Variants in CUEDC1 observed in about 807,000 individuals in gnomAD.
CUEDC1 encodes the protein CUE domain-containing protein 1.
Under a neutral mutation model 43.7 loss-of-function variants are expected in CUEDC1, and 30 were observed. That is an observed-to-expected ratio of 0.69 (90% CI 0.51 to 0.93). The LOEUF (loss-of-function observed/expected upper bound fraction) is 0.93, where lower values mean the gene tolerates loss of function less well. CUEDC1 is among the 40% of genes least tolerant of loss of function. The pLI is 0.00. For synonymous variants in CUEDC1, 223 were observed against 223.6 expected (o/e 1.00, Z 0.02); for missense variants, 486 against 549.0 (o/e 0.89, Z 1.15).
chr17:57,926,085 T>C (rs2074744514), intron 1 of CUEDC1, among the ~76,000 whole-genome samples: 1 of 152,122 alleles, frequency 6.6e-6, no homozygotes, highest in Admixed American at 6.5e-5. Context: ...AGAACTTCCT[T>C]CTCTGGAAAT....
At chr17:57,907,910 C>T (rs992941115) in intron 1 of CUEDC1, among the ~76,000 whole-genome samples, 10 of 151,942 alleles carry the variant, frequency 6.6e-5, no homozygotes, top group Non-Finnish European at 1.0e-4. Flanking sequence ...ACCCCACCCC[C>T]CAATTCTTGC....
Position 57,885,491 on chromosome 17 carries a change from C to T in CUEDC1, c.74G>A (p.Gly25Glu), listed in dbSNP as rs370142166. 14 of 1,534,812 alleles carry T rather than the reference C, an allele frequency of 9.1e-6. No individual in the cohort carries two copies. Among genetic ancestry groups the T allele is most frequent in the South Asian group, 1.2e-5 (1 of 81,776 alleles). Residue 25 changes from glycine (G) to glutamate (E), a missense_variant, in exon 2 of 11, where the codon GGA becomes GAA. By Grantham distance (98) the Gly-to-Glu change is moderately conservative. Coordinates refer to ENST00000577830, the MANE Select transcript of CUEDC1 (RefSeq NM_001271875.2). ...GGTAGARGGG[G>E]GTAAPQELNN... ...GAGCTCCTGGGGGGCGGCCGTGCCT[C>T]CCCCGCCCCCGCGTGCCCCGGCGGT...
Position 57,871,382 on chromosome 17 carries a change from C to T in CUEDC1, c.785-13G>A. The T allele has an allele frequency of 6.2e-7, 1 of 1,611,902 alleles. No individual in the cohort carries two copies. Among genetic ancestry groups the T allele is most frequent in the Non-Finnish European group, 8.5e-7 (1 of 1,178,662 alleles). On this transcript the variant is annotated splice_polypyrimidine_tract_variant and intron_variant, in intron 5 of 10. Transcript: ENST00000577830. ...TATTTCAATCGATCTGGAAAAGGAC[C>T]ACATTCACAGGTCAGGGAGGTTAGC... is the stretch of plus-strand genomic sequence containing the variant.
chr17:57,869,120 AC>A lies in CUEDC1; in HGVS notation c.940+1del, dbSNP rs1240482828. The A allele has an allele frequency of 6.2e-7, 1 of 1,613,918 alleles. No individual in the cohort carries two copies. The highest frequency in any genetic ancestry group is 8.5e-7 in the Non-Finnish European group (1 of 1,179,920). On this transcript the variant is annotated splice_donor_variant, in intron 7 of 10. Transcript: ENST00000577830. LOFTEE classifies it high-confidence loss of function. ...GGGAAGCGGGGCCTGAGTGGGACTCACACTTTCCCATGTGTTTCAGCTTGTC... is the reference window on the plus strand; with the variant it reads ...GGGAAGCGGGGCCTGAGTGGGACTCAACTTTCCCATGTGTTTCAGCTTGTC...
chr17:57,926,033 G>A (rs2074743962), intron 1 of CUEDC1, among the ~76,000 whole-genome samples: 1 of 152,244 alleles, frequency 6.6e-6, no homozygotes, highest in African/African-American at 2.4e-5. Context: ...CCTAGGGTCA[G>A]GGGCCCTGTG....
intron 1 of CUEDC1, among the ~76,000 whole-genome samples, chr17:57,886,557 C>G (rs1191716584): frequency 6.6e-6 from 1 of 152,170 alleles, no homozygotes; most frequent in Non-Finnish European, 1.5e-5. Flanking sequence ...AGGCCCAGTT[C>G]CCACTCTTGG....
At chr17:57,927,423 G>A (rs1445070414) in intron 1 of CUEDC1, among the ~76,000 whole-genome samples, 2 of 151,262 alleles carry the variant, frequency 1.3e-5, no homozygotes, top group African/African-American at 2.4e-5. Context: ...CAGAGTTAGA[G>A]AGAGAAAAAA....
intron 1 of CUEDC1, among the ~76,000 whole-genome samples, chr17:57,913,674 C>T (rs201623439): frequency 2.1e-5 from 1 of 46,916 alleles, no homozygotes; most frequent in East Asian, 0.1. Context: ...CATTTCTGCC[C>T]CCCATCCCAG....
chr17:57,919,190 C>A (rs1270750308), intron 1 of CUEDC1, among the ~76,000 whole-genome samples: 1 of 151,378 alleles, frequency 6.6e-6, no homozygotes, highest in Non-Finnish European at 1.5e-5. Context: ...ATTAATTTTT[C>A]TTTTGTGAGA....
rs1383836402 is a variant in CUEDC1 at position 57,866,485 on chromosome 17, C to T, written c.1153G>A (p.Gly385Arg). Residue 385 changes from glycine (G) to arginine (R), a missense_variant, in exon 10 of 11, where the codon GGA (glycine) becomes AGA (arginine). Gly to Arg is a moderately radical substitution (Grantham distance 125). Transcript: ENST00000577830. The stretch of plus-strand genomic sequence containing the variant: ...GCTCCAGGCCTTACCTCTTACTGTC[C>T]TTCTCGCAGGCCTTCCTCCACCTTG... ...APKVEEGLRE[G>R]Q 10 of 1,613,984 alleles carry T rather than the reference C, an allele frequency of 6.2e-6. No individual in the cohort carries two copies. In the African/African-American group the frequency reaches 1.2e-4, roughly 19 times the overall value.
intron 10 of CUEDC1, among the ~76,000 whole-genome samples, chr17:57,865,516 A>C (rs958830535): frequency 6.6e-6 from 1 of 152,250 alleles, no homozygotes; most frequent in Non-Finnish European, 1.5e-5. Flanking sequence ...CACTGGGACC[A>C]AACAAGTGGC....
chr17:57,935,780 A>T (rs1434291187), intron 1 of CUEDC1, among the ~76,000 whole-genome samples: 1 of 152,044 alleles, frequency 6.6e-6, no homozygotes, highest in Non-Finnish European at 1.5e-5. Context: ...TCCCACCCCA[A>T]TTCCTTCCTA....
intron 2 of CUEDC1, among the ~76,000 whole-genome samples, chr17:57,883,058 A>ACT (rs146512190): frequency 1.3e-5 from 2 of 150,500 alleles, no homozygotes; most frequent in Admixed American, 6.7e-5. Flanking sequence ...GCATACTCTC[A>ACT]CTCTCTCTCT....
Position 57,951,796 on chromosome 17 carries a change from C to T in CUEDC1, c.-316+3429G>A, listed in dbSNP as rs765334660. Among the ~76,000 whole-genome samples, 13 of 152,178 alleles carry T rather than the reference C, an allele frequency of 8.5e-5. 1 individual carries two copies. The highest frequency in any genetic ancestry group is 8.8e-5 in the Non-Finnish European group (6 of 68,036). ...TCTTACCAAGAATTCCTCAAAGACC[C>T]TTGGTGCTGCCACAATGCAAATGAA... On this transcript the variant is annotated intron_variant, in intron 1 of 10. Coordinates refer to ENST00000577830, the MANE Select transcript of CUEDC1 (RefSeq NM_001271875.2).
chr17:57,945,124 A>G (rs1345849858), intron 1 of CUEDC1, among the ~76,000 whole-genome samples: 1 of 152,234 alleles, frequency 6.6e-6, no homozygotes, highest in African/African-American at 2.4e-5. Context: ...TGCCAAGCCT[A>G]TATATTTTTT....
chr17:57,869,370 C>CTT (rs1290500987), intron 6 of CUEDC1, among the ~76,000 whole-genome samples, 177 bp from the exon 7 acceptor site: 3 of 152,180 alleles, frequency 2.0e-5, no homozygotes, highest in Non-Finnish European at 4.4e-5. Flanking sequence ...CCCTTGTGGA[C>CTT]TTTGTTTCCT....
chr17:57,905,641 G>A (rs1388947551), intron 1 of CUEDC1, among the ~76,000 whole-genome samples: 2 of 152,130 alleles, frequency 1.3e-5, no homozygotes, highest in Admixed American at 1.3e-4. Context: ...TACCCCATAT[G>A]CAACAAAAAA....
At position 57,954,756 on chromosome 17, in the gene CUEDC1, C is replaced by T. The variant is rs1301899185; in HGVS notation, c.-316+469G>A. Among the ~76,000 whole-genome samples, 1 of 152,152 alleles carries T rather than the reference C, an allele frequency of 6.6e-6. No homozygotes were observed. The highest frequency in any genetic ancestry group is 2.4e-5 in the African/African-American group (1 of 41,446). ...AAAGGCGCTCGGCTCCCAGCAGGCG[C>T]CCCCGCCTGCCGTCGCCGCCCAGCC... On this transcript the variant is annotated intron_variant, in intron 1 of 10. Transcript: ENST00000577830. This position sits in a 1 kb window ranked among gnomAD's most constrained non-coding sequence, Gnocchi z 4.3.
chr17:57,938,818 A>G, intron 1 of CUEDC1, among the ~76,000 whole-genome samples: 1 of 151,386 alleles, frequency 6.6e-6, no homozygotes, highest in East Asian at 1.9e-4. Context: ...ATGTGCCACC[A>G]CGCCCGGCTA....
Sources: allele counts gnomAD v4.1 joint callset (sites outside exome capture counted in the v4.1 genomes callset), GRCh38; gene constraint gnomAD v4.1.1; non-coding constraint Gnocchi (gnomAD v3.1); transcripts MANE v1.5; gene names NCBI Gene and HGNC (gene_info 2026-07-23, HGNC 2026-07-21).